The following ASB3 variants were observed in gnomAD, a reference collection of about 807,000 sequenced individuals.
ASB3 encodes ankyrin repeat and SOCS box containing 3, also known as ankyrin repeat and SOCS box protein 3.
In ASB3, 41 loss-of-function variants were observed where a neutral mutation model predicts 54.5. The observed-to-expected ratio is 0.75, with a 90% CI of 0.59 to 0.98. The LOEUF is 0.98. ASB3 is among the 50% of genes least tolerant of loss of function. The pLI is 0.00. For missense variants in ASB3, 733 were observed against 620.0 expected, an observed-to-expected ratio of 1.18 and a Z score of -1.94; for synonymous variants, 266 against 221.2, an observed-to-expected ratio of 1.20 and a Z score of -1.80.
intron 2 of ASB3, among the ~76,000 whole-genome samples, chr2:53,751,714 T>A (rs1672525220): frequency 6.6e-6 from 1 of 152,142 alleles, no homozygotes; most frequent in East Asian, 1.9e-4. Flanking sequence ...AGTGTCAGAA[T>A]TGAAACAAAT....
chr2:53,715,772 C>A (rs1670351245), intron 6 of ASB3, among the ~76,000 whole-genome samples: 1 of 152,148 alleles, frequency 6.6e-6, no homozygotes, highest in Middle Eastern at 3.4e-3. Flanking sequence ...TACTGTGTCA[C>A]CTAGTGGCAT....
intron 3 of ASB3, among the ~76,000 whole-genome samples, chr2:53,732,083 C>T (rs760575900): frequency 1.3e-5 from 2 of 152,076 alleles, no homozygotes; most frequent in Admixed American, 6.5e-5. Flanking sequence ...CTCAACCTCC[C>T]GAGTAGCTGG....
chr2:53,693,863 T>C lies in ASB3; in HGVS notation c.1369+21A>G, dbSNP rs550554402. On this transcript the variant is annotated intron_variant, in intron 9 of 9. Transcript: ENST00000263634. ...GAGAAGGAAAAGTAGTGAAGTGTGT[T>C]TAAAAGTTATTCTTTCTTACCAATA... 7.4e-6 allele frequency: 12 copies of C among 1,611,044 alleles called. No individual in the cohort carries two copies. In the Admixed American group the frequency reaches 1.8e-4, roughly 25 times the overall value.
intron 7 of ASB3, among the ~76,000 whole-genome samples, chr2:53,703,487 A>G (rs1381622413): frequency 6.6e-6 from 1 of 152,148 alleles, no homozygotes; most frequent in Non-Finnish European, 1.5e-5. Context: ...AACCTGGGGC[A>G]CCTTAGGAGG....
rs1374400221 is a variant in ASB3, at chr2:53,700,307, G to A, written c.1202C>T (p.Ala401Val). The A allele has an allele frequency of 2.5e-6, 4 of 1,613,970 alleles. No individual in the cohort carries two copies. The highest frequency in any genetic ancestry group is 1.7e-5 in the Admixed American group (1 of 59,994). ...YKEWLPHLLVAGFDPLILLCN... is the reference protein window; with the variant it reads ...YKEWLPHLLVVGFDPLILLCN... ...CAGTAGAATCAGTGGGTCAAATCCAGCAACCAGAAGATGTGGCAACCACTC... is the reference window on the plus strand; with the variant it reads ...CAGTAGAATCAGTGGGTCAAATCCAACAACCAGAAGATGTGGCAACCACTC... The change falls in exon 8 of 10, where the codon GCT (alanine) becomes GTT (valine). Residue 401 changes from alanine to valine, a missense_variant. Physicochemically the swap from Ala to Val is moderately conservative, Grantham distance 64 (BLOSUM62 0). Coordinates refer to ENST00000263634, the MANE Select transcript of ASB3 (RefSeq NM_016115.5).
At chr2:53,696,974 T>A (rs1669216755) in intron 8 of ASB3, among the ~76,000 whole-genome samples, 1 of 152,072 alleles carries the variant, frequency 6.6e-6, no homozygotes, top group Admixed American at 6.6e-5. Context: ...TTGGGCTACA[T>A]CCCCAGGAAA....
intron 5 of ASB3, 135 bp from the exon 6 acceptor site, chr2:53,716,878 T>C: frequency 1.0e-6 from 1 of 1,003,692 alleles, no homozygotes; most frequent in Non-Finnish European, 1.4e-6. Flanking sequence ...TTGGATGTTG[T>C]TATATAAACA....
chr2:53,785,528 C>T (rs1050523832), intron 1 of ASB3, among the ~76,000 whole-genome samples: 2 of 152,102 alleles, frequency 1.3e-5, no homozygotes, highest in African/African-American at 4.8e-5. Context: ...AAGACAGAAA[C>T]CCATTTATTT....
intron 3 of ASB3, among the ~76,000 whole-genome samples, chr2:53,732,284 C>T (rs1671363823): frequency 6.6e-6 from 1 of 151,624 alleles, no homozygotes; most frequent in Non-Finnish European, 1.5e-5. Context: ...AAAAAAATAA[C>T]TGAAAATTAA....
chr2:53,751,676 A>G (rs78694551), intron 2 of ASB3, among the ~76,000 whole-genome samples: 27,644 of 146,146 alleles, frequency 0.19, 3,273 homozygotes, highest in Non-Finnish European at 0.27. Context: ...AACAGAAAAT[A>G]AAAAAAAAAA....
At chr2:53,780,017 A>T (rs537471830) in intron 1 of ASB3, among the ~76,000 whole-genome samples, 1 of 152,222 alleles carries the variant, frequency 6.6e-6, no homozygotes, top group South Asian at 2.1e-4. Context: ...ATTCTCAACT[A>T]AAGAGCCTTA....
chr2:53,674,677 C>T (rs1217796024), intron 9 of ASB3, among the ~76,000 whole-genome samples: 1 of 152,124 alleles, frequency 6.6e-6, no homozygotes, highest in Admixed American at 6.6e-5. Flanking sequence ...AAATGTTTTG[C>T]ACATCAAATG....
intron 7 of ASB3, among the ~76,000 whole-genome samples, chr2:53,705,639 C>T (rs1421354962): frequency 6.6e-6 from 1 of 152,162 alleles, no homozygotes; most frequent in African/African-American, 2.4e-5. Context: ...AAGTTTTTGG[C>T]AATTATTAAT....
At chr2:53,757,100 T>C (rs1324815027) in intron 2 of ASB3, among the ~76,000 whole-genome samples, 1 of 152,202 alleles carries the variant, frequency 6.6e-6, no homozygotes, top group African/African-American at 2.4e-5. Flanking sequence ...CAGTAACATT[T>C]TGGTGACCAC....
At chr2:53,683,213 T>C (rs543826458) in intron 9 of ASB3, among the ~76,000 whole-genome samples, 5 of 152,330 alleles carry the variant, frequency 3.3e-5, no homozygotes, top group South Asian at 4.1e-4. Context: ...TCAGCATCAA[T>C]TGAAATGATC....
intron 4 of ASB3, 119 bp from the exon 5 acceptor site, chr2:53,728,966 A>G: frequency 8.5e-7 from 1 of 1,181,134 alleles, no homozygotes; most frequent in Non-Finnish European, 1.1e-6. Context: ...CTTGAAGGAA[A>G]AAACAAAACA....
intron 1 of ASB3, among the ~76,000 whole-genome samples, chr2:53,776,845 C>T (rs1291648645): frequency 2.0e-5 from 3 of 152,050 alleles, no homozygotes; most frequent in Admixed American, 6.6e-5. Flanking sequence ...ACCTTGAATT[C>T]ACTCTAAGCA....
At chr2:53,736,492 A>G (rs1332204149) in intron 3 of ASB3, among the ~76,000 whole-genome samples, 1 of 152,024 alleles carries the variant, frequency 6.6e-6, no homozygotes, top group East Asian at 1.9e-4. Context: ...AGGTCAGGAA[A>G]TCGAGACCAT....
chr2:53,683,469 G>A (rs1454178780), intron 9 of ASB3, among the ~76,000 whole-genome samples: 1 of 151,740 alleles, frequency 6.6e-6, no homozygotes, highest in Non-Finnish European at 1.5e-5. Flanking sequence ...GTCTGGTTTG[G>A]GTATCAGGGT....
Sources: allele counts gnomAD v4.1 joint callset (sites outside exome capture counted in the v4.1 genomes callset), GRCh38; gene constraint gnomAD v4.1.1; transcripts MANE v1.5; gene names NCBI Gene and HGNC (gene_info 2026-07-23, HGNC 2026-07-21).